Variants in CRLF2 observed in about 807,000 individuals in gnomAD.
The protein encoded by CRLF2 is cytokine receptor-like factor 2.
CRLF2 carries 41 observed loss-of-function variants against 38.7 expected under a neutral mutation model. The observed-to-expected ratio is 1.06, with a 90% CI of 0.83 to 1.37. The LOEUF is 1.37. Among genes scored for constraint, CRLF2 ranks in the 40% most tolerant of loss-of-function variants. CRLF2 has a pLI of 0.00. For missense variants in CRLF2, 377 were observed against 322.2 expected (o/e 1.17, Z -1.30); for synonymous variants, 140 against 128.8 (o/e 1.09, Z -0.59).
At chrX:1,194,463 A>C (rs1435288090) in intron 6 of CRLF2, among the ~76,000 whole-genome samples, 1 of 151,974 alleles carries the variant, frequency 6.6e-6, no homozygotes, top group Non-Finnish European at 1.5e-5. Flanking sequence ...CTCAGTCTTA[A>C]AAAAATAAAA....
At chrX:1,191,277 C>T (rs2086367953) in intron 7 of CRLF2, 117 bp from the exon 8 acceptor site, 1 of 390,890 alleles carries the variant, frequency 2.6e-6, no homozygotes, top group South Asian at 1.4e-4. Context: ...CTTTCTTTCT[C>T]TCTCTTTCTT....
At chrX:1,210,115 AGAAAAGAAAAG>A (rs1324515496) in intron 1 of CRLF2, among the ~76,000 whole-genome samples, 22 of 127,144 alleles carry the variant, frequency 1.7e-4, no homozygotes, top group African/African-American at 3.8e-4. Flanking sequence ...AAAAAAAAAA[AGAAAAGAAAAG>A]AAAAGAAAAG....
At chrX:1,195,833 AAAT>A (rs1373203648) in intron 6 of CRLF2, among the ~76,000 whole-genome samples, 4 of 139,396 alleles carry the variant, frequency 2.9e-5, no homozygotes, top group East Asian at 2.0e-4. Context: ...ATTATATATT[AAAT>A]TATATATTTA....
rs370850238 is a variant in CRLF2 at position 1,196,761 on chromosome X, C to G, written c.767+19G>C. 1.2e-6 allele frequency: 2 copies of G among 1,611,754 alleles called. No homozygotes were observed. The highest frequency in any genetic ancestry group is 2.7e-5 in the African/African-American group (2 of 74,764). ...GCAAGCAGGTCCCTCCACCCACGGG[C>G]GGCAGGAGTCATCCTTACCTCCATA... On this transcript the variant is annotated intron_variant, in intron 6 of 7. Coordinates refer to ENST00000400841, the MANE Select transcript of CRLF2 (RefSeq NM_022148.4).
intron 6 of CRLF2, among the ~76,000 whole-genome samples, chrX:1,194,631 C>G (rs1384064222): frequency 1.3e-5 from 2 of 152,044 alleles, no homozygotes; most frequent in African/African-American, 4.8e-5. Flanking sequence ...AATCACCGAC[C>G]TCACAACGAG....
chrX:1,209,294 TTGTAG>T (rs774118469), intron 1 of CRLF2, among the ~76,000 whole-genome samples: 42,588 of 142,156 alleles, frequency 0.3, 6,614 homozygotes, highest in Middle Eastern at 0.41. Flanking sequence ...TTGCATTGTA[TTGTAG>T]TGTAGTGTAG....
rs1222477787 is a variant in CRLF2 at position 1,192,761 on chromosome X, TTTCTTTCC to T, written c.852+449_852+456del. On this transcript the variant is annotated intron_variant, in intron 7 of 7. Transcript: ENST00000400841. ...CTTTCTTTCTTTCTTTCTTTCTTTC[TTTCTTTCC>T]TTCCTTCCTCTCTCCCCCTTTCCTC... Among the ~76,000 whole-genome samples the T allele has an allele frequency of 4.3e-4, 45 of 104,022 alleles. 1 individual carries two copies. Among genetic ancestry groups the T allele is most frequent in the East Asian group, 1.1e-3 (4 of 3,772 alleles). The allele number at this position is 104,022 out of a possible 152,430, so 68.2% of individuals were successfully genotyped here.
chrX:1,200,550 GTA>G (rs1429620996), intron 4 of CRLF2, among the ~76,000 whole-genome samples: 1 of 145,038 alleles, frequency 6.9e-6, no homozygotes, highest in African/African-American at 2.5e-5. Flanking sequence ...ATATGTGTGG[GTA>G]TATATATGTG....
chrX:1,191,346 C>CTTTCTT (rs1491422134), intron 7 of CRLF2, among the ~76,000 whole-genome samples, 186 bp from the exon 8 acceptor site: 3 of 44,704 alleles, frequency 6.7e-5, no homozygotes, highest in African/African-American at 1.8e-4. Context: ...TCTTTCTTTC[C>CTTTCTT]TTCTTTCTTT....
chrX:1,193,839 T>C (rs1296191100), intron 6 of CRLF2, among the ~76,000 whole-genome samples: 5 of 147,096 alleles, frequency 3.4e-5, no homozygotes, highest in African/African-American at 1.3e-4. Flanking sequence ...CGGATGCCTG[T>C]AATCCCAGCT....
intron 7 of CRLF2, among the ~76,000 whole-genome samples, chrX:1,191,605 G>C (rs1295463572): frequency 6.6e-5 from 10 of 151,098 alleles, no homozygotes; most frequent in Non-Finnish European, 1.0e-4. Context: ...GATCTCGGCT[G>C]ACTGCAGCCT....
At chrX:1,196,330 GGT>G (rs2147826258) in intron 6 of CRLF2, among the ~76,000 whole-genome samples, 1 of 150,898 alleles carries the variant, frequency 6.6e-6, no homozygotes, top group Non-Finnish European at 1.5e-5. Flanking sequence ...TGGGATTACA[GGT>G]GCACGCCACC....
chrX:1,197,518 G>A (rs2086505964), intron 5 of CRLF2, among the ~76,000 whole-genome samples: 1 of 151,880 alleles, frequency 6.6e-6, no homozygotes, highest in Non-Finnish European at 1.5e-5. Context: ...CATGCCCCCT[G>A]AAAACATACG....
intron 4 of CRLF2, among the ~76,000 whole-genome samples, chrX:1,200,028 T>C (rs1192540966): frequency 4.2e-5 from 4 of 95,116 alleles, no homozygotes; most frequent in Non-Finnish European, 9.9e-5. Context: ...ATAAGCTCTG[T>C]ATATATGTGT....
Position 1,206,440 on chromosome X carries a change from A to T in CRLF2, c.342T>A (p.Val114=). 6.2e-7 allele frequency: 1 copy of T among 1,613,448 alleles called. No individual in the cohort carries two copies. The highest frequency in any genetic ancestry group is 8.5e-7 in the Non-Finnish European group (1 of 1,179,472). The change falls in exon 3 of 8, where the codon GTT becomes GTA. Residue 114 remains valine, a synonymous_variant. Coordinates refer to ENST00000400841, the MANE Select transcript of CRLF2 (RefSeq NM_022148.4). ...TGGCTTTACAATACTTACGGTAATA[A>T]ACCATCCAGCGACTTGCGGTGAAAA... ...HPVFTASRWM[V]YYLKPSSPKH... is the part of the protein sequence containing the mutation.
chrX:1,191,524 A>G (rs1362372199), intron 7 of CRLF2, among the ~76,000 whole-genome samples: 1 of 147,610 alleles, frequency 6.8e-6, no homozygotes, highest in Non-Finnish European at 1.5e-5. Context: ...ACCCTTGTAA[A>G]CCAAAAATAA....
chrX:1,203,124 A>T (rs1466170404), intron 3 of CRLF2, among the ~76,000 whole-genome samples: 4 of 145,544 alleles, frequency 2.7e-5, no homozygotes. Context: ...AAAAAAAAGG[A>T]TCATTATAGA....
chrX:1,204,096 A>AAG (rs1569021951), intron 3 of CRLF2, among the ~76,000 whole-genome samples: 1 of 133,442 alleles, frequency 7.5e-6, no homozygotes, highest in South Asian at 2.4e-4. Flanking sequence ...TCTCAAAAAA[A>AAG]AGAGAGAACA....
chrX:1,192,761 T>TTCC (rs2086415205), intron 7 of CRLF2, among the ~76,000 whole-genome samples: 110 of 104,020 alleles, frequency 1.1e-3, no homozygotes, highest in Non-Finnish European at 1.8e-3. Flanking sequence ...TCTTTCTTTC[T>TTCC]TTCTTTCCTT....
Sources: allele counts gnomAD v4.1 joint callset (sites outside exome capture counted in the v4.1 genomes callset), GRCh38; gene constraint gnomAD v4.1.1; transcripts MANE v1.5; gene names NCBI Gene and HGNC (gene_info 2026-07-23, HGNC 2026-07-21).